The following EIF2B3 variants were observed in gnomAD, a reference collection of about 807,000 sequenced individuals.
EIF2B3 encodes translation initiation factor eIF2B subunit gamma.
Under a neutral mutation model 54.1 loss-of-function variants are expected in EIF2B3, and 20 were observed. That is an observed-to-expected ratio of 0.37 (90% CI 0.26 to 0.54). The LOEUF is 0.54. Ranked by LOEUF, EIF2B3 falls within the 20% of genes least tolerant of loss-of-function variation. The pLI, the probability that EIF2B3 is intolerant of heterozygous loss-of-function variation, is 0.86. For synonymous variants in EIF2B3, 153 were observed against 188.1 expected (o/e 0.81, Z 1.52); for missense variants, 448 against 547.8 (o/e 0.82, Z 1.82).
intron 5 of EIF2B3, chr1:44,924,843 G>GA (rs1283009391): frequency 1.3e-5 from 2 of 152,044 alleles, no homozygotes; most frequent in Non-Finnish European, 2.9e-5. Context: ...TTCTTTTCAG[G>GA]ATAGCTTCTT....
At chr1:44,925,602 C>T (rs184005020) in intron 5 of EIF2B3, among the ~76,000 whole-genome samples, 3 of 152,196 alleles carry the variant, frequency 2.0e-5, no homozygotes, top group Non-Finnish European at 2.9e-5. Context: ...AATGTGAACA[C>T]ATTTAACACT....
At chr1:44,954,482 C>T (rs563843774) in intron 3 of EIF2B3, among the ~76,000 whole-genome samples, 3 of 152,218 alleles carry the variant, frequency 2.0e-5, no homozygotes, top group African/African-American at 7.2e-5. Flanking sequence ...GTATTTTATT[C>T]CCTTTTTAGC....
intron 8 of EIF2B3, among the ~76,000 whole-genome samples, chr1:44,877,205 A>AAAAAC (rs1655203123): frequency 6.8e-6 from 1 of 146,966 alleles, no homozygotes; most frequent in African/African-American, 2.5e-5. Context: ...AAAAAAAAAA[A>AAAAAC]AAAAAAAAAA....
intron 3 of EIF2B3, among the ~76,000 whole-genome samples, chr1:44,967,894 C>T (rs1468899789): frequency 6.6e-6 from 1 of 151,770 alleles, no homozygotes; most frequent in Non-Finnish European, 1.5e-5. Context: ...AAAAATTAGT[C>T]AGGCGGGGTG....
Position 44,975,192 on chromosome 1 carries a change from G to A in EIF2B3, c.294+3123C>T, listed in dbSNP as rs143397061. Among the ~76,000 whole-genome samples the A allele has an allele frequency of 2.1e-3, 314 of 152,142 alleles. 2 individuals carry two copies. The highest frequency in any genetic ancestry group is 7.0e-3 in the African/African-American group (290 of 41,498). Reference sequence around the variant, plus strand: ...GATCACACCACTGCACTCCAGCCTGGACGACAGAGCAAGGCTGTCTCAAGA... The same window carrying A: ...GATCACACCACTGCACTCCAGCCTGAACGACAGAGCAAGGCTGTCTCAAGA... On this transcript the variant is annotated intron_variant, in intron 3 of 11. Coordinates refer to ENST00000360403, the MANE Select transcript of EIF2B3 (RefSeq NM_020365.5).
At chr1:44,866,965 G>A (rs1198375539) in intron 10 of EIF2B3, among the ~76,000 whole-genome samples, 1 of 152,232 alleles carries the variant, frequency 6.6e-6, no homozygotes, top group East Asian at 1.9e-4. Context: ...AATTCAGGCA[G>A]AGTGAATGTT....
intron 5 of EIF2B3, among the ~76,000 whole-genome samples, chr1:44,912,537 C>G (rs1271334210): frequency 6.6e-6 from 1 of 152,122 alleles, no homozygotes; most frequent in Non-Finnish European, 1.5e-5. Flanking sequence ...CAACATGAAC[C>G]TTCCATTCAG....
chr1:44,900,540 T>C (rs1277078436), intron 5 of EIF2B3, among the ~76,000 whole-genome samples: 1 of 151,936 alleles, frequency 6.6e-6, no homozygotes, highest in African/African-American at 2.4e-5. Flanking sequence ...ATACCTGTTT[T>C]GTTCTATGCT....
rs1447968266 is a variant in EIF2B3, at chr1:44,942,640, C to T, written c.295-975G>A. Among the ~76,000 whole-genome samples the T allele has an allele frequency of 4.0e-5, 6 of 148,836 alleles. No homozygotes were observed. The Admixed American group carries it at 4.1e-4, about 10-fold the overall frequency. On this transcript the variant is annotated intron_variant, in intron 3 of 11. Coordinates refer to ENST00000360403, the MANE Select transcript of EIF2B3 (RefSeq NM_020365.5). ...ATGGTGTCTCCCTATGTTGCCTAGG[C>T]TAGTCTCAAACTCCTGGGTTCAAAT...
At chr1:44,981,701 T>A (rs1433666890) in intron 1 of EIF2B3, among the ~76,000 whole-genome samples, 1 of 152,046 alleles carries the variant, frequency 6.6e-6, no homozygotes, top group Non-Finnish European at 1.5e-5. Context: ...TTTGGGAGGC[T>A]GAGGTGTGTG....
chr1:44,981,939 T>A (rs1216327422), intron 1 of EIF2B3, among the ~76,000 whole-genome samples: 2 of 87,500 alleles, frequency 2.3e-5, no homozygotes, highest in Non-Finnish European at 4.2e-5. Context: ...TGAGATCCTG[T>A]CTCAAAAAAA....
At position 44,881,375 on chromosome 1, in the gene EIF2B3, T is replaced by C. The variant is rs1015689356; in HGVS notation, c.784+237A>G. On this transcript the variant is annotated intron_variant, in intron 7 of 11. Transcript: ENST00000360403. The surrounding 1 kb of genome is among the most constrained non-coding windows in gnomAD (Gnocchi z 4.0). The stretch of plus-strand genomic sequence containing the variant: ...GAGGAACACAGCCAAACCAGAGCTA[T>C]GAATCAGAGAATGGGGCTGGAGGCA... Among the ~76,000 whole-genome samples the C allele has an allele frequency of 1.3e-5, 2 of 152,168 alleles. No individual in the cohort carries two copies. Among genetic ancestry groups the C allele is most frequent in the African/African-American group, 4.8e-5 (2 of 41,440 alleles).
intron 3 of EIF2B3, among the ~76,000 whole-genome samples, chr1:44,945,427 G>T (rs554899174): frequency 2.6e-5 from 4 of 151,690 alleles, no homozygotes; most frequent in Non-Finnish European, 4.4e-5. Flanking sequence ...GGTGGCAGGC[G>T]CCTGTAGTCC....
chr1:44,962,839 C>G (rs1446080103), intron 3 of EIF2B3, among the ~76,000 whole-genome samples: 1 of 152,172 alleles, frequency 6.6e-6, no homozygotes. Flanking sequence ...ACTCTTTGTG[C>G]CAGGCCCAGA....
rs143616288 is a variant in EIF2B3, at chr1:44,972,310, T to C, written c.294+6005A>G. Among the ~76,000 whole-genome samples, 222 of 134,416 alleles carry C rather than the reference T, an allele frequency of 1.7e-3. 1 individual carries two copies. In the Middle Eastern group the frequency reaches 0.018, roughly 11 times the overall value. The allele number at this position is 134,416 out of a possible 152,430, so 88.2% of individuals were successfully genotyped here. On this transcript the variant is annotated intron_variant, in intron 3 of 11. Coordinates refer to ENST00000360403, the MANE Select transcript of EIF2B3 (RefSeq NM_020365.5). ...ACACATGTATATACACACACACACA[T>C]ATATATATATATCCAGGCACGGTGG... is the stretch of plus-strand genomic sequence containing the variant.
chr1:44,968,834 T>C (rs1328480819), intron 3 of EIF2B3, among the ~76,000 whole-genome samples: 2 of 150,938 alleles, frequency 1.3e-5, no homozygotes, highest in African/African-American at 2.4e-5. Flanking sequence ...GAGGCGGAGG[T>C]TGCAGTGAGT....
At chr1:44,877,806 C>T (rs187145486) in intron 8 of EIF2B3, among the ~76,000 whole-genome samples, 136 of 152,268 alleles carry the variant, frequency 8.9e-4, no homozygotes, top group African/African-American at 3.0e-3. Flanking sequence ...GAGCACTGTG[C>T]GTGGCAGCCA....
intron 5 of EIF2B3, among the ~76,000 whole-genome samples, chr1:44,903,260 C>T (rs775235947): frequency 5.9e-5 from 9 of 152,156 alleles, no homozygotes; most frequent in Non-Finnish European, 1.3e-4. Flanking sequence ...TAGTACTTTA[C>T]ATGTCCAAAG....
chr1:44,868,070 A>C (rs926515657), intron 10 of EIF2B3, among the ~76,000 whole-genome samples: 3 of 151,974 alleles, frequency 2.0e-5, no homozygotes, highest in African/African-American at 7.2e-5. Flanking sequence ...GAGATATGCT[A>C]GGCCTTTTCT....
Sources: gnomAD v4.1 joint callset for allele counts (sites outside exome capture counted in the v4.1 genomes callset) on GRCh38, gnomAD v4.1.1 for gene constraint, Gnocchi (gnomAD v3.1) non-coding constraint, MANE v1.5 for transcripts, NCBI Gene and HGNC (gene_info 2026-07-23, HGNC 2026-07-21) for gene names.